Variants in CTBP2 observed in about 807,000 individuals in gnomAD.
CTBP2 encodes the protein C-terminal-binding protein 2.
Under a neutral mutation model 80.3 loss-of-function variants are expected in CTBP2, and 30 were observed. That is an observed-to-expected ratio of 0.37 (90% CI 0.28 to 0.51). The LOEUF is 0.51. Ranked by LOEUF, CTBP2 falls within the 20% of genes least tolerant of loss-of-function variation. The probability of loss-of-function intolerance (pLI) is 0.93; values close to 1 mark genes in which losing one functional copy is unlikely to be tolerated. For missense variants in CTBP2, 1,212 were observed against 1,375.3 expected (o/e 0.88, Z 1.88); for synonymous variants, 594 against 587.4 (o/e 1.01, Z -0.16).
Position 124,987,054 on chromosome 10 carries a change from G to A in CTBP2, c.*2464C>T, listed in dbSNP as rs1564973536. 6.6e-6 allele frequency: 1 copy of A among 152,584 alleles called. No individual in the cohort carries two copies. Among genetic ancestry groups the A allele is most frequent in the Non-Finnish European group, 1.5e-5 (1 of 68,030 alleles). 9.5% of individuals were successfully genotyped at this position (152,584 alleles called of 1,614,324 possible). ...TCCCTGTGGGAAAGAATTAAAGATG[G>A]TTCCATTTCCTAGGCTACAGACAGG... is the stretch of plus-strand genomic sequence containing the variant. On this transcript the variant is annotated 3_prime_UTR_variant, in exon 9 of 9. Transcript: ENST00000309035.
chr10:125,133,548 G>A (rs1252090382), intron 1 of CTBP2: 1 of 152,298 alleles, frequency 6.6e-6, no homozygotes, highest in Non-Finnish European at 1.5e-5. Flanking sequence ...GAGGAGCGCA[G>A]GCAGGGCCAC....
chr10:124,999,235 C>G (rs1446224122), intron 3 of CTBP2: 1 of 152,258 alleles, frequency 6.6e-6, no homozygotes, highest in African/African-American at 2.4e-5. Context: ...CACGTCAGCC[C>G]AAGTGAAATG....
rs56714830 is a variant in CTBP2, at chr10:125,090,285, C to CAAAAAAAAAAAAAAAAAAAAAA, written c.-102+20704_-102+20705insTTTTTTTTTTTTTTTTTTTTTT. Among the ~76,000 whole-genome samples, 46 of 65,406 alleles carry CAAAAAAAAAAAAAAAAAAAAAA rather than the reference C, an allele frequency of 7.0e-4. 2 individuals carry two copies. Among genetic ancestry groups the CAAAAAAAAAAAAAAAAAAAAAA allele is most frequent in the African/African-American group, 3.1e-3 (45 of 14,464 alleles). The allele number at this position is 65,406 out of a possible 152,430, so 42.9% of individuals were successfully genotyped here. A position where few individuals can be genotyped will look rare whatever the true frequency, so the allele number is the denominator to read the frequency against. ...TCTGGGCGACAGAGAGTCCCTGGCT[C>CAAAAAAAAAAAAAAAAAAAAAA]AAAAAAAAAAAAAAAAAGGTTGGGG... On this transcript the variant is annotated intron_variant, in intron 2 of 10. Transcript: ENST00000337195.
In CTBP2 at chr10:125,026,577, C is replaced by T. The variant is rs369629180; in HGVS notation, c.1183G>A (p.Ala395Thr). The T allele has an allele frequency of 2.2e-5, 34 of 1,533,422 alleles. No individual in the cohort carries two copies. The African/African-American group carries it at 3.9e-4, about 18-fold the overall frequency. 95.0% of individuals were successfully genotyped at this position (1,533,422 alleles called of 1,614,324 possible). A position where few individuals can be genotyped will look rare whatever the true frequency, so the allele number is the denominator to read the frequency against. Residue 395 changes from alanine to threonine, a missense_variant, in exon 1 of 9, where the codon GCA becomes ACA. Ala to Thr is a moderately conservative substitution (Grantham distance 58, BLOSUM62 0). This residue lies in a region of CTBP2 where 848 missense variants were observed against 782.3 expected (regional missense o/e 1.08). Transcript: ENST00000309035. ...GCCGGGTCTCCAGCTCGGGGGGATG[C>T]TGTCTGCAGAGGAGCCGCAGCGCCC... is the stretch of plus-strand genomic sequence containing the variant.
At chr10:125,036,136 G>A (rs760819455) in intron 3 of CTBP2, among the ~76,000 whole-genome samples, 6 of 152,144 alleles carry the variant, frequency 3.9e-5, no homozygotes, top group Non-Finnish European at 7.3e-5. Context: ...GAATCCCCAC[G>A]GCAGATTCTG....
intron 2 of CTBP2, among the ~76,000 whole-genome samples, chr10:125,043,637 C>T (rs545701732): frequency 2.4e-4 from 36 of 152,168 alleles, no homozygotes; most frequent in South Asian, 1.2e-3. Flanking sequence ...TGGGTTTCAC[C>T]GTGTTAGCCA....
chr10:125,161,714 GA>G (rs746000424), upstream of CTBP2, among the ~76,000 whole-genome samples: 333 of 137,924 alleles, frequency 2.4e-3, no homozygotes, highest in Middle Eastern at 3.8e-3. Flanking sequence ...CTTACACATT[GA>G]AAAAAAAAAA....
chr10:125,066,113 C>T lies in CTBP2; in HGVS notation c.-101-26958G>A, dbSNP rs1050264281. Among the ~76,000 whole-genome samples, 1 of 151,840 alleles carries T rather than the reference C, an allele frequency of 6.6e-6. No individual in the cohort carries two copies. Among genetic ancestry groups the T allele is most frequent in the African/African-American group, 2.4e-5 (1 of 41,324 alleles). ...CGTCATCTTCTTGATGGTGAACTCCCTCTAATGCTCAGGCTGATGTCCTAA... is the reference window on the plus strand; with the variant it reads ...CGTCATCTTCTTGATGGTGAACTCCTTCTAATGCTCAGGCTGATGTCCTAA... On this transcript the variant is annotated intron_variant, in intron 2 of 10. Transcript: ENST00000337195. The surrounding 1 kb of genome is among the most constrained non-coding windows in gnomAD (Gnocchi z 4.1).
At chr10:125,150,760 G>C (rs1327827540) in intron 1 of CTBP2, among the ~76,000 whole-genome samples, 1 of 149,754 alleles carries the variant, frequency 6.7e-6, no homozygotes, top group African/African-American at 2.5e-5. Context: ...TCTGACCCAC[G>C]TATTCAACGG....
chr10:125,137,032 G>C (rs980877993), intron 1 of CTBP2, among the ~76,000 whole-genome samples: 1 of 152,194 alleles, frequency 6.6e-6, no homozygotes, highest in Non-Finnish European at 1.5e-5. Context: ...CCGAAAACGA[G>C]AAGTTTGTTT....
At chr10:125,147,919 C>CA (rs1190512183) in intron 1 of CTBP2, among the ~76,000 whole-genome samples, 3 of 152,062 alleles carry the variant, frequency 2.0e-5, no homozygotes, top group African/African-American at 7.3e-5. Context: ...AAAATTCTAA[C>CA]AAACACATAC....
At chr10:125,158,389 T>G (rs1380768814) in intron 1 of CTBP2, among the ~76,000 whole-genome samples, 3 of 152,252 alleles carry the variant, frequency 2.0e-5, no homozygotes, top group Non-Finnish European at 4.4e-5. Context: ...AGAATCACTT[T>G]GTAAACTTCC....
chr10:124,992,310 C>T (rs1245934741), intron 8 of CTBP2, among the ~76,000 whole-genome samples: 2 of 149,172 alleles, frequency 1.3e-5, no homozygotes, highest in African/African-American at 4.9e-5. Context: ...TCTCGGCTCA[C>T]TGCAATCTCC....
chr10:124,992,609 T>C, intron 8 of CTBP2, 86 bp downstream of exon 10: 2 of 933,418 alleles, frequency 2.1e-6, no homozygotes, highest in South Asian at 3.2e-5. Flanking sequence ...TGCGGGAGGT[T>C]AAGCTTCCGC....
Position 124,994,604 on chromosome 10 carries a change from A to C in CTBP2, c.2265T>G (p.Asp755Glu), listed in dbSNP as rs765066393. 1 of 1,614,114 alleles carries C rather than the reference A, an allele frequency of 6.2e-7. No homozygotes were observed. Among genetic ancestry groups the C allele is most frequent in the Non-Finnish European group, 8.5e-7 (1 of 1,179,942 alleles). ...GCACGCCCAGGGACCGCTCGATCCC[A>C]TCCTGCAAGTAGGGGTCATAAAATA... is the stretch of plus-strand genomic sequence containing the variant. The change falls in exon 5 of 9, where the codon GAT (aspartate) becomes GAG (glutamate). Residue 755 changes from aspartate to glutamate, a missense_variant. By Grantham distance (45) the Asp-to-Glu change is conservative. Around this residue, in one of 3 missense-constraint regions of CTBP2, gnomAD observed 335 missense variants for 504.7 expected, o/e 0.66. Transcript: ENST00000309035.
At chr10:125,120,767 T>G (rs1356719088) in intron 1 of CTBP2, among the ~76,000 whole-genome samples, 1 of 152,158 alleles carries the variant, frequency 6.6e-6, no homozygotes, top group Non-Finnish European at 1.5e-5. Context: ...AGCCTCTACC[T>G]CTCGGGCTCA....
At chr10:125,020,126 T>C (rs774875671) in intron 1 of CTBP2, among the ~76,000 whole-genome samples, 4 of 152,216 alleles carry the variant, frequency 2.6e-5, no homozygotes, top group Non-Finnish European at 5.9e-5. Context: ...CAGGTACTTA[T>C]GCCCTTGGCT....
At chr10:125,037,210 G>A (rs926593211) in intron 3 of CTBP2, among the ~76,000 whole-genome samples, 8 of 152,220 alleles carry the variant, frequency 5.3e-5, no homozygotes, top group African/African-American at 1.9e-4. Context: ...GCACCTGTCT[G>A]GATGGGACAG....
chr10:125,072,080 G>A (rs1015000262), intron 2 of CTBP2, among the ~76,000 whole-genome samples: 39 of 152,258 alleles, frequency 2.6e-4, no homozygotes, highest in African/African-American at 8.7e-4. Context: ...ATACATGGCC[G>A]GGCACGGTGG....
Sources: gnomAD v4.1 joint callset for allele counts (sites outside exome capture counted in the v4.1 genomes callset) on GRCh38, gnomAD v4.1.1 for gene constraint, gnomAD v4.1.1 regional missense constraint, Gnocchi (gnomAD v3.1) non-coding constraint, MANE v1.5 for transcripts, NCBI Gene and HGNC (gene_info 2026-07-23, HGNC 2026-07-21) for gene names.